EIF2D: variants seen among roughly 807,000 people sequenced by gnomAD.
EIF2D encodes eukaryotic translation initiation factor 2D.
A neutral mutation model predicts 77.4 loss-of-function variants in EIF2D; 56 were observed. That is an observed-to-expected ratio of 0.72 (90% CI 0.58 to 0.90). The LOEUF is 0.90. Ranked by LOEUF, EIF2D falls within the 40% of genes least tolerant of loss-of-function variation. EIF2D has a pLI of 0.00. For missense variants in EIF2D, 574 were observed against 706.5 expected, an observed-to-expected ratio of 0.81 and a Z score of 2.13; for synonymous variants, 230 against 271.0, an observed-to-expected ratio of 0.85 and a Z score of 1.49.
intron 2 of EIF2D, chr1:206,585,992 T>A (rs1669096655): frequency 1.3e-5 from 2 of 152,222 alleles, no homozygotes; most frequent in African/African-American, 4.8e-5. Flanking sequence ...TTGGAAAAAG[T>A]ACTCCATGGA....
intron 5 of EIF2D, 105 bp downstream of exon 5, chr1:206,605,295 C>T (rs1670148769): frequency 1.4e-6 from 1 of 710,792 alleles, no homozygotes; most frequent in East Asian, 2.8e-5. Context: ...TAGCAACTTG[C>T]TTAAAGACAT....
At chr1:206,583,548 T>C (rs1668980911) in intron 2 of EIF2D, 3 of 603,666 alleles carry the variant, frequency 5.0e-6, no homozygotes, top group Non-Finnish European at 6.0e-6. Flanking sequence ...GAGCCCTCAG[T>C]GGCCTCCATG....
In EIF2D at chr1:206,592,723, A is replaced by G. The variant is rs932418624; in HGVS notation, c.1685-878T>C. Among the ~76,000 whole-genome samples the G allele has an allele frequency of 3.9e-5, 6 of 152,220 alleles. No individual in the cohort carries two copies. The highest frequency in any genetic ancestry group is 7.3e-5 in the Non-Finnish European group (5 of 68,042). On this transcript the variant is annotated intron_variant, in intron 14 of 14. Transcript: ENST00000271764. This position sits in a 1 kb window ranked among gnomAD's most constrained non-coding sequence, Gnocchi z 4.7. ...GGAGTGATGTGATCATATTTGTTTA[A>G]GAAAGCTGACTCAGGCAGAGATGTG...
In EIF2D at chr1:206,597,089, A is replaced by G. The variant is rs1184985835; in HGVS notation, c.1388+11T>C. On this transcript the variant is annotated intron_variant, in intron 12 of 14. Transcript: ENST00000271764. ...TAGAAAAGTTGGAGAGGGACTGCCA[A>G]TGCTCGTTACCTGGTCAGAAGACTG... The G allele has an allele frequency of 1.9e-6, 3 of 1,611,636 alleles. No homozygotes were observed.
At position 206,609,427 on chromosome 1, in the gene EIF2D, GC is replaced by G; in HGVS notation, c.279del (p.Pro94GlnfsTer14). 1 of 1,614,208 alleles carries G rather than the reference GC, an allele frequency of 6.2e-7. No homozygotes were observed. On this transcript the variant is annotated frameshift_variant, in exon 3 of 15. Coordinates refer to ENST00000271764, the MANE Select transcript of EIF2D (RefSeq NM_006893.3). LOFTEE classifies it high-confidence loss of function. Reference protein sequence around the residue: ...VYTLWSYPDLLPTFTTWPLVL... With the variant: ...VYTLWSYPDLXPTFTTWPLVL... Reference sequence around the variant, plus strand: ...ACCAGAGGCCATGTTGTAAAGGTTGGCAGAAGATCAGGATAGGACCACAGCG... The same window carrying G: ...ACCAGAGGCCATGTTGTAAAGGTTGGAGAAGATCAGGATAGGACCACAGCG...
intron 7 of EIF2D, 66 bp downstream of exon 7, chr1:206,602,270 C>T: frequency 7.7e-7 from 1 of 1,297,812 alleles, no homozygotes; most frequent in African/African-American, 1.5e-5. Flanking sequence ...CCATCCTGTC[C>T]TACTACCAAG....
chr1:206,593,506 A>AGTGTGTGTGTGTGCGT (rs1286437460), intron 14 of EIF2D, 113 bp downstream of exon 14: 14 of 442,730 alleles, frequency 3.2e-5, no homozygotes, highest in African/African-American at 2.9e-4. Flanking sequence ...AGAGAGAGAG[A>AGTGTGTGTGTGTGCGT]GAGTGTGTGT....
In EIF2D at chr1:206,599,811, T is replaced by C; in HGVS notation, c.974A>G (p.Gln325Arg). 2 of 1,614,102 alleles carry C rather than the reference T, an allele frequency of 1.2e-6. No homozygotes were observed. The highest frequency in any genetic ancestry group is 4.5e-5 in the East Asian group (2 of 44,876). Residue 325 changes from glutamine (Q) to arginine (R), a missense_variant, in exon 9 of 15, where the codon CAG becomes CGG. Physicochemically the swap from Gln to Arg is conservative, Grantham distance 43 (BLOSUM62 1). Coordinates refer to ENST00000271764, the MANE Select transcript of EIF2D (RefSeq NM_006893.3). This position sits in a 1 kb window ranked among gnomAD's most constrained non-coding sequence, Gnocchi z 4.1. The stretch of plus-strand genomic sequence containing the variant: ...CTTCACCTGTATAATCTGCTCCTGC[T>C]GCATTTGCTGCAGGAACTTAGAGAG... ...KKLSKFLQQM[Q>R]QEQIIQVKEL... is the part of the protein sequence containing the mutation.
chr1:206,581,883 G>T (rs75662155), intron 2 of EIF2D, among the ~76,000 whole-genome samples: 12 of 152,166 alleles, frequency 7.9e-5, no homozygotes, highest in East Asian at 7.8e-4. Context: ...TGTCACGGAG[G>T]GGGGGCCCTG....
chr1:206,600,067 A>G (rs948828052), intron 8 of EIF2D, among the ~76,000 whole-genome samples, 196 bp downstream of exon 8: 9 of 152,194 alleles, frequency 5.9e-5, no homozygotes, highest in African/African-American at 1.9e-4. Context: ...AAGGGGTCAA[A>G]GGAGAAAGGA....
rs1558535158 is a variant in EIF2D, at chr1:206,599,845, G to A, written c.949-9C>T. On this transcript the variant is annotated splice_polypyrimidine_tract_variant and intron_variant, in intron 8 of 14. Coordinates refer to ENST00000271764, the MANE Select transcript of EIF2D (RefSeq NM_006893.3). The surrounding 1 kb of genome is among the most constrained non-coding windows in gnomAD (Gnocchi z 4.1). Reference sequence around the variant, plus strand: ...TGCAGGAACTTAGAGAGCTAAGGGAGAGAGGGCCAGTGGTAGGGGACTTCA... The same window carrying A: ...TGCAGGAACTTAGAGAGCTAAGGGAAAGAGGGCCAGTGGTAGGGGACTTCA... 6.2e-7 allele frequency: 1 copy of A among 1,613,276 alleles called. No individual in the cohort carries two copies. Among genetic ancestry groups the A allele is most frequent in the African/African-American group, 1.3e-5 (1 of 74,894 alleles).
Position 206,599,557 on chromosome 1 carries a change from C to T in EIF2D, c.1108G>A (p.Gly370Ser). The T allele has an allele frequency of 6.2e-7, 1 of 1,608,242 alleles. No individual in the cohort carries two copies. The highest frequency in any genetic ancestry group is 8.5e-7 in the Non-Finnish European group (1 of 1,177,308). The change falls in exon 10 of 15, where the codon GGT becomes AGT. Residue 370 changes from glycine (G) to serine (S), a missense_variant. Coordinates refer to ENST00000271764, the MANE Select transcript of EIF2D (RefSeq NM_006893.3). This position sits in a 1 kb window ranked among gnomAD's most constrained non-coding sequence, Gnocchi z 4.1. ...GGGTGATAGGGCTGTTCCCTGCTAC[C>T]CTCCTGGATAGTCTGGGAGGTCGGG... Reference protein sequence around the residue: ...PSPTSQTIQEGSREQPYHPPD... With the variant: ...PSPTSQTIQESSREQPYHPPD...
At chr1:206,602,497 G>T in intron 6 of EIF2D, 44 bp from the exon 7 acceptor site, 1 of 1,546,784 alleles carries the variant, frequency 6.5e-7, no homozygotes, top group Non-Finnish European at 8.9e-7. Context: ...GAGGGATACA[G>T]AACACCTGGT....
At position 206,591,796 on chromosome 1, in the gene EIF2D, G is replaced by A; in HGVS notation, c.1734C>T (p.Leu578=). ...TCTGTCACTTCTTCTTGCCAGGTTT[G>A]AGGGCCTTTTCTAGACCTTGGATGT... ...RKHIQGLEKA[L]KPGKKK Residue 578 remains leucine (L), a synonymous_variant, in exon 15 of 15, where the codon CTC becomes CTT. Coordinates refer to ENST00000271764, the MANE Select transcript of EIF2D (RefSeq NM_006893.3). 1 of 1,614,168 alleles carries A rather than the reference G, an allele frequency of 6.2e-7. No individual in the cohort carries two copies. Among genetic ancestry groups the A allele is most frequent in the Non-Finnish European group, 8.5e-7 (1 of 1,180,026 alleles).
In EIF2D at chr1:206,575,084, T is replaced by C. The variant is rs560315521; in HGVS notation, c.*255-2385A>G. 1.5e-4 allele frequency among the ~76,000 whole-genome samples: 23 copies of C among 152,174 alleles called. No individual in the cohort carries two copies. The East Asian group carries it at 2.7e-3, about 18-fold the overall frequency. ...TTTCATTATGTTGCCCAGGCTGGTC[T>C]TGAACTCCTAACCTCACCTTTGAAT... On this transcript the variant is annotated intron_variant and NMD_transcript_variant, in intron 4 of 5. Transcript: ENST00000472709.
rs2102312040 is a variant in EIF2D at position 206,612,400 on chromosome 1, A to T, written c.-58T>A. 1.2e-6 allele frequency: 2 copies of T among 1,609,534 alleles called. No homozygotes were observed. The highest frequency in any genetic ancestry group is 8.5e-7 in the Non-Finnish European group (1 of 1,175,942). On this transcript the variant is annotated 5_prime_UTR_variant, in exon 1 of 15. Coordinates refer to ENST00000271764, the MANE Select transcript of EIF2D (RefSeq NM_006893.3). Reference sequence around the variant, plus strand: ...GAAGCCAGGGAATGTCAAGAAAGCGAGGGCGCAGCAGCTGCCAGGCCCTCA... The same window carrying T: ...GAAGCCAGGGAATGTCAAGAAAGCGTGGGCGCAGCAGCTGCCAGGCCCTCA...
At chr1:206,577,431 A>C (rs541550846) in intron 4 of EIF2D, among the ~76,000 whole-genome samples, 14 of 152,020 alleles carry the variant, frequency 9.2e-5, no homozygotes, top group Non-Finnish European at 1.5e-4. Flanking sequence ...ACACTTTTGT[A>C]CCCATTATCT....
At chr1:206,596,133 C>T (rs1553409993) in intron 12 of EIF2D, among the ~76,000 whole-genome samples, 1 of 152,188 alleles carries the variant, frequency 6.6e-6, no homozygotes, top group Non-Finnish European at 1.5e-5. Context: ...ACTGACCTGG[C>T]CTTTTGAGAA....
Position 206,601,955 on chromosome 1 carries a change from T to C in EIF2D, c.902+381A>G, listed in dbSNP as rs1400217434. On this transcript the variant is annotated intron_variant, in intron 7 of 14. Transcript: ENST00000271764. ...CATACTTTTCAGAAGTGTGAGGAGG[T>C]TGAATGTTCCAGAAGAAGATTCCTG... 2 of 190,580 alleles carry C rather than the reference T, an allele frequency of 1.0e-5. 1 individual carries two copies. Among genetic ancestry groups the C allele is most frequent in the Non-Finnish European group, 2.2e-5 (2 of 91,222 alleles). 11.8% of individuals were successfully genotyped at this position (190,580 alleles called of 1,614,324 possible).
Sources: gnomAD v4.1 joint callset for allele counts (sites outside exome capture counted in the v4.1 genomes callset) on GRCh38, gnomAD v4.1.1 for gene constraint, Gnocchi (gnomAD v3.1) non-coding constraint, MANE v1.5 for transcripts, NCBI Gene and HGNC (gene_info 2026-07-23, HGNC 2026-07-21) for gene names.